CCDC102A: variants seen among roughly 807,000 people sequenced by gnomAD.
CCDC102A encodes coiled-coil domain containing 102A, also known as coiled-coil domain-containing protein 102A.
Under a neutral mutation model 55.5 loss-of-function variants are expected in CCDC102A, and 40 were observed. That is an observed-to-expected ratio of 0.72 (90% CI 0.56 to 0.94). CCDC102A has a LOEUF of 0.94. Among genes scored for constraint, CCDC102A ranks in the 40% least tolerant of loss-of-function variants. The pLI, the probability that CCDC102A is intolerant of heterozygous loss-of-function variation, is 0.00. For missense variants in CCDC102A, 779 were observed against 768.6 expected, an observed-to-expected ratio of 1.01 and a Z score of -0.16; for synonymous variants, 323 against 339.0, an observed-to-expected ratio of 0.95 and a Z score of 0.52.
Position 57,531,992 on chromosome 16 carries a change from CTGTT to C in CCDC102A, c.-147-2672_-147-2669del, listed in dbSNP as rs1357943680. 1.1e-4 allele frequency among the ~76,000 whole-genome samples: 16 copies of C among 152,304 alleles called. No homozygotes were observed. In the East Asian group the frequency reaches 2.7e-3, roughly 26 times the overall value. ...CCGCTGCATTTCTCTAGGCCATTTG[CTGTT>C]TGTTTATTGTCTGTCTGCCTTTACC... On this transcript the variant is annotated intron_variant, in intron 1 of 8. Coordinates refer to ENST00000258214, the MANE Select transcript of CCDC102A (RefSeq NM_033212.4).
chr16:57,521,155 C>T lies in CCDC102A; in HGVS notation c.834G>A (p.Arg278=), dbSNP rs201630960. The part of the protein sequence containing the change: ...KEREDKLALS[R]NIEKLEGELS... Reference sequence around the variant, plus strand: ...GCTCCCCCTCTAGCTTCTCAATGTTCCTGCTCAACGCCAGTTTATCCCTGG... The same window carrying T: ...GCTCCCCCTCTAGCTTCTCAATGTTTCTGCTCAACGCCAGTTTATCCCTGG... The change falls in exon 4 of 9, where the codon AGG becomes AGA. Residue 278 remains arginine (R), a synonymous_variant. Transcript: ENST00000258214. 2.1e-5 allele frequency: 34 copies of T among 1,613,304 alleles called. No individual in the cohort carries two copies. In the East Asian group the frequency reaches 6.9e-4, roughly 33 times the overall value.
intron 4 of CCDC102A, 145 bp downstream of exon 4, chr16:57,520,923 G>A (rs1185963446): frequency 1.5e-5 from 9 of 615,486 alleles, no homozygotes; most frequent in Non-Finnish European, 2.6e-5. Context: ...CTAGGTGACA[G>A]AGCAAGACTC....
At position 57,512,513 on chromosome 16, in the gene CCDC102A, T is replaced by TGCTC. The variant is rs1555518784; in HGVS notation, c.*227_*228insGAGC. The TGCTC allele has an allele frequency of 2.6e-5, 11 of 429,898 alleles. No individual in the cohort carries two copies. The East Asian group carries it at 3.5e-4, about 14-fold the overall frequency. 26.6% of individuals were successfully genotyped at this position (429,898 alleles called of 1,614,324 possible). A position where few individuals can be genotyped will look rare whatever the true frequency, so the allele number is the denominator to read the frequency against. ...AAATGGGTCCAAAGACTTCTGGGTGTGCGCGCGCGCGCGCGCGTGTGTGTA... is the reference window on the plus strand; with the variant it reads ...AAATGGGTCCAAAGACTTCTGGGTGTGCTCGCGCGCGCGCGCGCGCGTGTGTGTA... On this transcript the variant is annotated 3_prime_UTR_variant, in exon 9 of 9. Coordinates refer to ENST00000258214, the MANE Select transcript of CCDC102A (RefSeq NM_033212.4).
Position 57,529,309 on chromosome 16 carries a change from G to A in CCDC102A, c.-132C>T. 1 of 1,114,742 alleles carries A rather than the reference G, an allele frequency of 9.0e-7. No individual in the cohort carries two copies. Among genetic ancestry groups the A allele is most frequent in the South Asian group, 4.5e-5 (1 of 22,392 alleles). 69.1% of individuals were successfully genotyped at this position (1,114,742 alleles called of 1,614,324 possible). A position where few individuals can be genotyped will look rare whatever the true frequency, so the allele number is the denominator to read the frequency against. On this transcript the variant is annotated 5_prime_UTR_variant, in exon 2 of 9. Transcript: ENST00000258214. This position sits in a 1 kb window ranked among gnomAD's most constrained non-coding sequence, Gnocchi z 4.1. Reference sequence around the variant, plus strand: ...GCTTCCCTCTGGGCCACCGGGCGGAGGACGCCTCCTCGGACCTACGGGAGA... The same window carrying A: ...GCTTCCCTCTGGGCCACCGGGCGGAAGACGCCTCCTCGGACCTACGGGAGA...
At chr16:57,527,420 T>TTG (rs67609644) in intron 2 of CCDC102A, among the ~76,000 whole-genome samples, 22,722 of 86,554 alleles carry the variant, frequency 0.26, 2,598 homozygotes, top group African/African-American at 0.56. Flanking sequence ...TGCTGCTGCT[T>TTG]TTTTTTTTTT....
intron 8 of CCDC102A, among the ~76,000 whole-genome samples, chr16:57,514,086 C>T (rs2031913231): frequency 6.6e-6 from 1 of 152,196 alleles, no homozygotes; most frequent in Non-Finnish European, 1.5e-5. Context: ...CAGCGTGATG[C>T]TGATGCACAA....
Position 57,528,608 on chromosome 16 carries a change from C to G in CCDC102A, c.570G>C (p.Arg190Ser). 7.9e-7 allele frequency: 1 copy of G among 1,269,120 alleles called. No individual in the cohort carries two copies. The highest frequency in any genetic ancestry group is 1.0e-6 in the Non-Finnish European group (1 of 1,000,204). The allele number at this position is 1,269,120 out of a possible 1,614,324, so 78.6% of individuals were successfully genotyped here. Residue 190 changes from arginine to serine, a missense_variant, in exon 2 of 9, where the codon AGG (arginine) becomes AGC (serine). Physicochemically the swap from Arg to Ser is moderately radical, Grantham distance 110. Transcript: ENST00000258214. ...CGCCGCGCACCTGGCTGCCTGGCGG[C>G]CTCTCGGACCCGACGTCACGCACTG... ...REPVRDVGSERPPGSQELELV... is the reference protein window; with the variant it reads ...REPVRDVGSESPPGSQELELV...
intron 8 of CCDC102A, 148 bp downstream of exon 8, chr16:57,515,193 C>T: frequency 4.7e-6 from 3 of 644,212 alleles, no homozygotes; most frequent in Non-Finnish European, 8.4e-6. Context: ...CTGGCCCTTC[C>T]TGCCCGGAGG....
intron 1 of CCDC102A, among the ~76,000 whole-genome samples, chr16:57,536,092 G>A (rs1567608444): frequency 6.6e-6 from 1 of 150,894 alleles, no homozygotes; most frequent in African/African-American, 2.4e-5. Context: ...GGCAGTCGCC[G>A]CGGCTCTGGG....
intron 1 of CCDC102A, among the ~76,000 whole-genome samples, chr16:57,531,772 C>T (rs2032268453): frequency 6.6e-6 from 1 of 152,184 alleles, no homozygotes; most frequent in Non-Finnish European, 1.5e-5. Flanking sequence ...TTCTCCCTTG[C>T]CAGCACCCTC....
intron 1 of CCDC102A, among the ~76,000 whole-genome samples, chr16:57,531,714 C>T (rs556810378): frequency 1.3e-5 from 2 of 152,268 alleles, no homozygotes; most frequent in Admixed American, 1.3e-4. Flanking sequence ...ACTGCACTGC[C>T]CACCCCCATG....
In CCDC102A at chr16:57,526,016, C is replaced by T. The variant is rs1463304030; in HGVS notation, c.697G>A (p.Glu233Lys). 2.5e-6 allele frequency: 4 copies of T among 1,604,410 alleles called. No individual in the cohort carries two copies. In the South Asian group the frequency reaches 4.4e-5, roughly 18 times the overall value. Residue 233 changes from glutamate to lysine, a missense_variant, in exon 3 of 9, where the codon GAG (glutamate) becomes AAG (lysine). Coordinates refer to ENST00000258214, the MANE Select transcript of CCDC102A (RefSeq NM_033212.4). ...TCCTCCCAGGGTAGCCGGCTGCGCT[C>T]CTGGCGGCCTGAGCTGCCCCGCGGG... is the stretch of plus-strand genomic sequence containing the variant. ...GGPRGSSGRQ[E>K]RSRLPWEDTA...
intron 8 of CCDC102A, 146 bp downstream of exon 8, chr16:57,515,195 G>GT (rs545161389): frequency 3.5e-4 from 231 of 650,856 alleles, no homozygotes; most frequent in African/African-American, 3.1e-3. Flanking sequence ...GGCCCTTCCT[G>GT]CCCGGAGGGG....
In CCDC102A at chr16:57,529,729, C is replaced by T. The variant is rs937591749; in HGVS notation, c.-147-405G>A. On this transcript the variant is annotated intron_variant, in intron 1 of 8. Transcript: ENST00000258214. This position sits in a 1 kb window ranked among gnomAD's most constrained non-coding sequence, Gnocchi z 4.1. ...CATATTTAAGACTCTTCTGAGGTATCACTTCCTCCTGGAAGCCCTCCTGGA... is the reference window on the plus strand; with the variant it reads ...CATATTTAAGACTCTTCTGAGGTATTACTTCCTCCTGGAAGCCCTCCTGGA... 6.6e-6 allele frequency among the ~76,000 whole-genome samples: 1 copy of T among 152,158 alleles called. No homozygotes were observed. The highest frequency in any genetic ancestry group is 1.5e-5 in the Non-Finnish European group (1 of 68,034).
rs2032213185 is a variant in CCDC102A, at chr16:57,529,484, G to C, written c.-147-160C>G. Among the ~76,000 whole-genome samples the C allele has an allele frequency of 6.6e-6, 1 of 152,168 alleles. No homozygotes were observed. Among genetic ancestry groups the C allele is most frequent in the African/African-American group, 2.4e-5 (1 of 41,450 alleles). ...GGCAGGATTGGTGGAGCAAGGGCCCGCAAAGGCCTCCTCAGTGGCCTCGAC... is the reference window on the plus strand; with the variant it reads ...GGCAGGATTGGTGGAGCAAGGGCCCCCAAAGGCCTCCTCAGTGGCCTCGAC... On this transcript the variant is annotated intron_variant, in intron 1 of 8. Coordinates refer to ENST00000258214, the MANE Select transcript of CCDC102A (RefSeq NM_033212.4). The surrounding 1 kb of genome is among the most constrained non-coding windows in gnomAD (Gnocchi z 4.1).
At chr16:57,527,358 G>A (rs541991079) in intron 2 of CCDC102A, among the ~76,000 whole-genome samples, 57 of 151,920 alleles carry the variant, frequency 3.8e-4, no homozygotes, top group Non-Finnish European at 6.8e-4. Context: ...GGACTCTGGA[G>A]CCAGATTGTC....
chr16:57,536,392 A>T (rs1251054013), intron 1 of CCDC102A, 108 bp downstream of exon 1: 1 of 152,204 alleles, frequency 6.6e-6, no homozygotes, highest in Non-Finnish European at 1.5e-5. Context: ...CTGCTCCTCC[A>T]GCACGCCCCA....
At position 57,512,536 on chromosome 16, in the gene CCDC102A, GTA is replaced by G. The variant is rs1424663615; in HGVS notation, c.*203_*204del. ...TGTGCGCGCGCGCGCGCGCGTGTGTGTATATATATATATAAAACATAGGCTTC... is the reference window on the plus strand; with the variant it reads ...TGTGCGCGCGCGCGCGCGCGTGTGTGTATATATATATAAAACATAGGCTTC... On this transcript the variant is annotated 3_prime_UTR_variant, in exon 9 of 9. Coordinates refer to ENST00000258214, the MANE Select transcript of CCDC102A (RefSeq NM_033212.4). 638 of 564,262 alleles carry G rather than the reference GTA, an allele frequency of 1.1e-3. 3 individuals carry two copies. Among genetic ancestry groups the G allele is most frequent in the South Asian group, 2.5e-3 (87 of 34,994 alleles). 35.0% of individuals were successfully genotyped at this position (564,262 alleles called of 1,614,324 possible).
chr16:57,525,958 A>G lies in CCDC102A; in HGVS notation c.755T>C (p.Leu252Ser), dbSNP rs758323187. ...TAATEEEASK[L>S]TALRLRLDES... ...ATCCAGCCGTAGCCGCAGGGCGGTC[A>G]ACTTGGAGGCCTCCTCCTCCGTGGC... Residue 252 changes from leucine (L) to serine (S), a missense_variant, in exon 3 of 9, where the codon TTG becomes TCG. Leu to Ser is a moderately radical substitution (Grantham distance 145). Transcript: ENST00000258214. The G allele has an allele frequency of 6.2e-7, 1 of 1,612,300 alleles. No homozygotes were observed. The highest frequency in any genetic ancestry group is 1.7e-5 in the Admixed American group (1 of 59,512).
Sources: allele counts gnomAD v4.1 joint callset (sites outside exome capture counted in the v4.1 genomes callset), GRCh38; gene constraint gnomAD v4.1.1; non-coding constraint Gnocchi (gnomAD v3.1); transcripts MANE v1.5; gene names NCBI Gene and HGNC (gene_info 2026-07-23, HGNC 2026-07-21).